The following UNC13C variants were observed in gnomAD, a reference collection of about 807,000 sequenced individuals.
The protein encoded by UNC13C is unc-13 homolog C, also known as protein unc-13 homolog C.
Under a neutral mutation model 245.4 loss-of-function variants are expected in UNC13C, and 174 were observed. The ratio of observed to expected loss-of-function variants is 0.71; its 90% CI spans 0.63 to 0.80. UNC13C has a LOEUF of 0.80. UNC13C is among the 30% of genes least tolerant of loss of function. The pLI, the probability that UNC13C is intolerant of heterozygous loss-of-function variation, is 0.00. For missense variants in UNC13C, 2,829 were observed against 2,602.9 expected, an observed-to-expected ratio of 1.09 and a Z score of -1.89; for synonymous variants, 992 against 895.1, an observed-to-expected ratio of 1.11 and a Z score of -1.93.
At chr15:54,004,724 T>C (rs1384028528) in intron 1 of UNC13C, among the ~76,000 whole-genome samples, 2 of 152,212 alleles carry the variant, frequency 1.3e-5, no homozygotes, top group Non-Finnish European at 2.9e-5. Context: ...AGGTATCTCA[T>C]TGTAGTTTTG....
At chr15:53,920,137 G>C in the UNC13C span, among the ~76,000 whole-genome samples, 2 of 152,134 alleles carry the variant, frequency 1.3e-5, no homozygotes, top group African/African-American at 4.8e-5. Flanking sequence ...TCTATTGAAT[G>C]GATGTACCTT....
Position 54,264,321 on chromosome 15 carries a change from T to G in UNC13C, c.3602T>G (p.Val1201Gly), listed in dbSNP as rs1471961392. Residue 1201 changes from valine to glycine, a missense_variant, in exon 9 of 33, where the codon GTG becomes GGG. Transcript: ENST00000260323. ...TTTCAGATTTCTAAAGAAGATTTTGTGCAGTTTACAAAGGCGGCCAAACAG... is the reference window on the plus strand; with the variant it reads ...TTTCAGATTTCTAAAGAAGATTTTGGGCAGTTTACAAAGGCGGCCAAACAG... ...EMFQISKEDFVQFTKAAKQSV... is the reference protein window; with the variant it reads ...EMFQISKEDFGQFTKAAKQSV... 6.2e-7 allele frequency: 1 copy of G among 1,606,612 alleles called. No homozygotes were observed.
chr15:54,008,780 A>G (rs1035094512), intron 1 of UNC13C, among the ~76,000 whole-genome samples: 16 of 152,168 alleles, frequency 1.1e-4, no homozygotes, highest in Non-Finnish European at 1.5e-5. Context: ...TACCACTGGT[A>G]ACATTCACTT....
chr15:53,945,075 T>C, the UNC13C span, among the ~76,000 whole-genome samples: 1 of 152,238 alleles, frequency 6.6e-6, no homozygotes, highest in Non-Finnish European at 1.5e-5. Context: ...GAAAAGTGCC[T>C]GTTCATGTCC....
chr15:53,854,829 A>G, the UNC13C span, among the ~76,000 whole-genome samples: 4 of 152,140 alleles, frequency 2.6e-5, no homozygotes, highest in Admixed American at 2.6e-4. Context: ...TAATTCTGTG[A>G]AAAATGTTAA....
the UNC13C span, among the ~76,000 whole-genome samples, chr15:53,850,250 C>CA: frequency 2.0e-5 from 3 of 151,620 alleles, no homozygotes; most frequent in African/African-American, 4.9e-5. Flanking sequence ...CCCATCTCCA[C>CA]AAAAAATAAA....
intron 25 of UNC13C, among the ~76,000 whole-genome samples, chr15:54,526,065 T>C (rs1895443065): frequency 6.6e-6 from 1 of 152,178 alleles, no homozygotes; most frequent in Non-Finnish European, 1.5e-5. Flanking sequence ...ATCAGTGTGG[T>C]TGCCGTCAGT....
At chr15:53,998,741 T>A (rs572499569) in intron 1 of UNC13C, among the ~76,000 whole-genome samples, 5 of 152,116 alleles carry the variant, frequency 3.3e-5, no homozygotes, top group Non-Finnish European at 7.4e-5. Context: ...AGCTCATATG[T>A]AGATTTTGAT....
In UNC13C at chr15:54,299,634, G is replaced by A. The variant is rs112985367; in HGVS notation, c.4105-576G>A. 7.9e-5 allele frequency among the ~76,000 whole-genome samples: 12 copies of A among 152,148 alleles called. 1 individual carries two copies. The highest frequency in any genetic ancestry group is 3.3e-4 in the Admixed American group (5 of 15,280). On this transcript the variant is annotated intron_variant, in intron 12 of 32. Transcript: ENST00000260323. Reference sequence around the variant, plus strand: ...CAACTTTACTATCTAAAGTGCCTTAGGAAGGTACTTTATCACTTTGAACAT... The same window carrying A: ...CAACTTTACTATCTAAAGTGCCTTAAGAAGGTACTTTATCACTTTGAACAT...
chr15:54,328,434 T>C (rs1225948699), intron 14 of UNC13C, among the ~76,000 whole-genome samples: 1 of 152,102 alleles, frequency 6.6e-6, no homozygotes, highest in Non-Finnish European at 1.5e-5. Flanking sequence ...TATTTTTATC[T>C]TATTCCTGAA....
chr15:54,186,845 G>GTATATATATATATATATACATA (rs1555428684), intron 4 of UNC13C, among the ~76,000 whole-genome samples: 1 of 113,384 alleles, frequency 8.8e-6, no homozygotes, highest in African/African-American at 4.7e-5. Context: ...TAATATATAT[G>GTATATATATATATATATACATA]TATATATATA....
chr15:54,620,018 A>T (rs1392195951), intron 30 of UNC13C, among the ~76,000 whole-genome samples: 1 of 151,962 alleles, frequency 6.6e-6, no homozygotes, highest in Non-Finnish European at 1.5e-5. Context: ...CACAATTGTC[A>T]GAAAATTTAT....
intron 19 of UNC13C, among the ~76,000 whole-genome samples, chr15:54,437,943 T>C (rs1890312217): frequency 6.6e-6 from 1 of 151,970 alleles, no homozygotes; most frequent in Admixed American, 6.6e-5. Context: ...CCTATGTCCT[T>C]TAATCTCTTA....
At chr15:54,069,659 A>G (rs921619919) in intron 2 of UNC13C, among the ~76,000 whole-genome samples, 1 of 152,210 alleles carries the variant, frequency 6.6e-6, no homozygotes, top group African/African-American at 2.4e-5. Flanking sequence ...TCGATTGCTT[A>G]AAAGGAGAAG....
intron 10 of UNC13C, among the ~76,000 whole-genome samples, chr15:54,270,893 C>G (rs2036671692): frequency 6.6e-6 from 1 of 152,032 alleles, no homozygotes; most frequent in Non-Finnish European, 1.5e-5. Flanking sequence ...CATCCAAACT[C>G]TTCACTTGAA....
In UNC13C at chr15:54,297,794, C is replaced by T. The variant is rs1263762976; in HGVS notation, c.3989-17C>T. 1 of 1,555,772 alleles carries T rather than the reference C, an allele frequency of 6.4e-7. No individual in the cohort carries two copies. Among genetic ancestry groups the T allele is most frequent in the East Asian group, 2.3e-5 (1 of 44,076 alleles). ...ATTGTCAGACATGACTGACCAATTG[C>T]CTTTTTGCTTTATCAGAGAAAAGGA... On this transcript the variant is annotated splice_polypyrimidine_tract_variant and intron_variant, in intron 11 of 32. Coordinates refer to ENST00000260323, the MANE Select transcript of UNC13C (RefSeq NM_001080534.3).
intron 29 of UNC13C, among the ~76,000 whole-genome samples, chr15:54,564,940 A>G (rs866068453): frequency 4.6e-5 from 7 of 152,084 alleles, no homozygotes; most frequent in Middle Eastern, 3.4e-3. Context: ...GGAGAACTAC[A>G]AACACTTTAG....
chr15:53,958,401 G>C, the UNC13C span, among the ~76,000 whole-genome samples: 1 of 150,972 alleles, frequency 6.6e-6, no homozygotes, highest in African/African-American at 2.5e-5. Context: ...ATGAACACCT[G>C]GGCTTATTGT....
intron 2 of UNC13C, among the ~76,000 whole-genome samples, chr15:54,085,821 T>C (rs562206320): frequency 6.6e-6 from 1 of 152,260 alleles, no homozygotes; most frequent in East Asian, 1.9e-4. Flanking sequence ...AATTTTAAGC[T>C]CTGTATTTTA....
Sources: gnomAD v4.1 joint callset for allele counts (sites outside exome capture counted in the v4.1 genomes callset) on GRCh38, gnomAD v4.1.1 for gene constraint, MANE v1.5 for transcripts, NCBI Gene and HGNC (gene_info 2026-07-23, HGNC 2026-07-21) for gene names.